Variants in EPB41 observed in about 807,000 individuals in gnomAD.
EPB41 encodes the protein erythrocyte membrane protein band 4.1, also known as protein 4.1.
EPB41 carries 65 observed loss-of-function variants against 108.0 expected under a neutral mutation model. The observed-to-expected ratio is 0.60, with a 90% CI of 0.49 to 0.74. The LOEUF is 0.74. Among genes scored for constraint, EPB41 ranks in the 30% least tolerant of loss-of-function variants. EPB41 has a pLI of 0.00. For missense variants in EPB41, 875 were observed against 1,037.0 expected, an observed-to-expected ratio of 0.84 and a Z score of 2.15; for synonymous variants, 336 against 358.9, an observed-to-expected ratio of 0.94 and a Z score of 0.72.
intron 1 of EPB41, among the ~76,000 whole-genome samples, chr1:28,900,757 G>A (rs1011188384): frequency 1.4e-4 from 21 of 152,044 alleles, no homozygotes; most frequent in Non-Finnish European, 2.4e-4. Flanking sequence ...TTAATGACGA[G>A]AGGCATGATC....
intron 1 of EPB41, among the ~76,000 whole-genome samples, chr1:28,934,013 C>G (rs1450911647): frequency 1.3e-5 from 2 of 152,010 alleles, no homozygotes; most frequent in East Asian, 3.9e-4. Context: ...TGTCTTTTTC[C>G]TGTTCCTGAA....
At chr1:29,027,565 AGGTGATCCGCCCACCTC>A (rs1212080194) in intron 7 of EPB41, among the ~76,000 whole-genome samples, 5 of 151,918 alleles carry the variant, frequency 3.3e-5, no homozygotes, top group Admixed American at 2.0e-4. Flanking sequence ...TCCCAACCTC[AGGTGATCCGCCCACCTC>A]GGCCTCCCAA....
chr1:29,046,529 T>C (rs899538917), intron 11 of EPB41, among the ~76,000 whole-genome samples: 2 of 152,232 alleles, frequency 1.3e-5, no homozygotes, highest in Non-Finnish European at 2.9e-5. Flanking sequence ...GTTGTATGTC[T>C]TCCTTTCCAT....
At chr1:29,003,155 A>G (rs2096333041) in intron 4 of EPB41, among the ~76,000 whole-genome samples, 1 of 152,246 alleles carries the variant, frequency 6.6e-6, no homozygotes, top group African/African-American at 2.4e-5. Flanking sequence ...ATTTCTAGAT[A>G]AGACCTTCTC....
Position 29,065,100 on chromosome 1 carries a change from CCACT to C in EPB41, c.2134_2137del (p.Ser712ProfsTer20). The C allele has an allele frequency of 6.2e-7, 1 of 1,614,036 alleles. No individual in the cohort carries two copies. Among genetic ancestry groups the C allele is most frequent in the South Asian group, 1.1e-5 (1 of 91,074 alleles). Reference sequence around the variant, plus strand: ...CCTAGTGAATGGGATAAACGCTTATCCACTCACTCACCCTTCCGAACTCTTAACA... The same window carrying C: ...CCTAGTGAATGGGATAAACGCTTATCCACTCACCCTTCCGAACTCTTAACA... On this transcript the variant is annotated frameshift_variant, in exon 16 of 21. Coordinates refer to ENST00000343067, the MANE Select transcript of EPB41 (RefSeq NM_001376013.1). LOFTEE classifies it high-confidence loss of function.
At chr1:28,910,362 G>A (rs1055511249), upstream of EPB41, among the ~76,000 whole-genome samples, 1 of 152,152 alleles carries the variant, frequency 6.6e-6, no homozygotes, top group African/African-American at 2.4e-5. Context: ...TAGGCAGGAT[G>A]GCAAGCACTA....
In EPB41 at chr1:29,115,825, G is replaced by T. The variant is rs1670752653; in HGVS notation, c.*6+22G>T. 1 of 1,579,810 alleles carries T rather than the reference G, an allele frequency of 6.3e-7. No individual in the cohort carries two copies. The highest frequency in any genetic ancestry group is 8.7e-7 in the Non-Finnish European group (1 of 1,149,304). ...TCAGGTACTGGGCGTTCCTGCTGGG[G>T]CTGAGGGTGCCCACAGTCCCAGCCT... On this transcript the variant is annotated intron_variant, in intron 20 of 20. Coordinates refer to ENST00000343067, the MANE Select transcript of EPB41 (RefSeq NM_001376013.1). The surrounding 1 kb of genome is among the most constrained non-coding windows in gnomAD (Gnocchi z 4.4).
chr1:28,972,695 G>A (rs2095522127), intron 1 of EPB41, among the ~76,000 whole-genome samples: 1 of 151,972 alleles, frequency 6.6e-6, no homozygotes, highest in Admixed American at 6.6e-5. Context: ...CAACTCCTGG[G>A]CTCAGGCAGT....
chr1:29,051,086 C>CTTT (rs1644409619), intron 11 of EPB41, among the ~76,000 whole-genome samples: 2 of 57,242 alleles, frequency 3.5e-5, no homozygotes, highest in Non-Finnish European at 6.9e-5. Context: ...TTTTCTTTTT[C>CTTT]TGTTTTTTTT....
At chr1:28,956,856 A>C (rs2094969164) in intron 1 of EPB41, among the ~76,000 whole-genome samples, 1 of 152,268 alleles carries the variant, frequency 6.6e-6, no homozygotes, top group Non-Finnish European at 1.5e-5. Flanking sequence ...AGGACACAGT[A>C]GAGTTTAATG....
At chr1:28,991,975 G>GTAT (rs1277148809) in intron 2 of EPB41, among the ~76,000 whole-genome samples, 1 of 151,932 alleles carries the variant, frequency 6.6e-6, no homozygotes, top group African/African-American at 2.4e-5. Context: ...TAAATGTTTG[G>GTAT]TATTATTATT....
At chr1:29,059,348 GTTTTT>G (rs1261811167) in intron 14 of EPB41, among the ~76,000 whole-genome samples, 5 of 152,056 alleles carry the variant, frequency 3.3e-5, no homozygotes, top group Non-Finnish European at 7.4e-5. Context: ...AGCAAAATAT[GTTTTT>G]AAGCAAAATG....
At chr1:28,894,088 T>C (rs1208521594) in intron 1 of EPB41, among the ~76,000 whole-genome samples, 1 of 152,210 alleles carries the variant, frequency 6.6e-6, no homozygotes, top group Non-Finnish European at 1.5e-5. Context: ...TAGAATCCTT[T>C]TTCTGTTGCA....
rs930855572 is a variant in EPB41, at chr1:29,018,268, G to A, written c.950G>A (p.Arg317His). Residue 317 changes from arginine (R) to histidine (H), a missense_variant, in exon 7 of 21, where the codon CGT becomes CAT. Physicochemically the swap from Arg to His is conservative, Grantham distance 29. Coordinates refer to ENST00000343067, the MANE Select transcript of EPB41 (RefSeq NM_001376013.1). This position sits in a 1 kb window ranked among gnomAD's most constrained non-coding sequence, Gnocchi z 4.4. ...CTTCGGCAGGACATAGTTGCAGGAC[G>A]TCTGCCCTGTTCCTTTGCAACCTTA... is the stretch of plus-strand genomic sequence containing the variant. ...LQLRQDIVAGRLPCSFATLAL... is the reference protein window; with the variant it reads ...LQLRQDIVAGHLPCSFATLAL... 34 of 1,613,892 alleles carry A rather than the reference G, an allele frequency of 2.1e-5. No individual in the cohort carries two copies. The highest frequency in any genetic ancestry group is 6.7e-5 in the African/African-American group (5 of 74,858).
At chr1:29,108,803 C>A (rs910851721) in intron 17 of EPB41, among the ~76,000 whole-genome samples, 1 of 151,094 alleles carries the variant, frequency 6.6e-6, no homozygotes, top group Admixed American at 6.6e-5. Flanking sequence ...GTGATCCACC[C>A]GCCTACACCT....
At chr1:29,054,092 A>G (rs1301324717) in intron 12 of EPB41, 2 of 152,228 alleles carry the variant, frequency 1.3e-5, no homozygotes, top group Non-Finnish European at 2.9e-5. Flanking sequence ...AAGTACCTTT[A>G]CAAAAAGGAG....
At chr1:28,906,415 C>T (rs556780546) in intron 1 of EPB41, among the ~76,000 whole-genome samples, 20 of 152,212 alleles carry the variant, frequency 1.3e-4, no homozygotes, top group Non-Finnish European at 2.2e-4. Context: ...AAACCCTCTA[C>T]GCCTTGAGGG....
chr1:28,957,811 T>G (rs2095023357), intron 1 of EPB41, among the ~76,000 whole-genome samples: 1 of 152,184 alleles, frequency 6.6e-6, no homozygotes, highest in African/African-American at 2.4e-5. Flanking sequence ...TACAGTTTTA[T>G]GAACCTGTGC....
intron 10 of EPB41, among the ~76,000 whole-genome samples, chr1:29,036,718 C>T (rs1639627684): frequency 6.6e-6 from 1 of 150,602 alleles, no homozygotes; most frequent in Non-Finnish European, 1.5e-5. Context: ...GCTCTGTCGC[C>T]CAGGCTGGAG....
Sources: gnomAD v4.1 joint callset for allele counts (sites outside exome capture counted in the v4.1 genomes callset) on GRCh38, gnomAD v4.1.1 for gene constraint, Gnocchi (gnomAD v3.1) non-coding constraint, MANE v1.5 for transcripts, NCBI Gene and HGNC (gene_info 2026-07-23, HGNC 2026-07-21) for gene names.